Variants in GNPTAB observed in about 807,000 individuals in gnomAD.
The protein encoded by GNPTAB is N-acetylglucosamine-1-phosphate transferase subunits alpha and beta, also known as N-acetylglucosamine-1-phosphotransferase subunits alpha/beta.
GNPTAB carries 92 observed loss-of-function variants against 136.6 expected under a neutral mutation model. The ratio of observed to expected loss-of-function variants is 0.67; its 90% CI spans 0.57 to 0.80. The LOEUF (loss-of-function observed/expected upper bound fraction) is 0.80. Ranked by LOEUF, GNPTAB falls within the 30% of genes least tolerant of loss-of-function variation. The pLI, the probability that GNPTAB is intolerant of heterozygous loss-of-function variation, is 0.00. For synonymous variants in GNPTAB, 512 were observed against 535.1 expected (o/e 0.96, Z 0.60); for missense variants, 1,343 against 1,501.8 (o/e 0.89, Z 1.75).
chr12:101,778,747 A>C (rs1953294778), intron 7 of GNPTAB: 1 of 152,102 alleles, frequency 6.6e-6, no homozygotes. Flanking sequence ...TCTCTACTTA[A>C]AATACAAAAA....
At chr12:101,770,975 A>G (rs755833725) in intron 8 of GNPTAB, 21 bp downstream of exon 8, 5 of 1,611,828 alleles carry the variant, frequency 3.1e-6, no homozygotes, top group African/African-American at 1.3e-5. Flanking sequence ...TGGGCTGTAA[A>G]AGCTTCTGTG....
chr12:101,785,903 A>G, intron 5 of GNPTAB, 109 bp downstream of exon 5: 2 of 898,706 alleles, frequency 2.2e-6, no homozygotes, highest in Non-Finnish European at 3.4e-6. Flanking sequence ...GCATTTTTAG[A>G]AAAGTTTATC....
intron 5 of GNPTAB, among the ~76,000 whole-genome samples, chr12:101,781,646 T>G (rs906919924): frequency 1.3e-5 from 2 of 152,146 alleles, no homozygotes; most frequent in African/African-American, 4.8e-5. Flanking sequence ...ATCATGCCAC[T>G]GCACTCTAGC....
At chr12:101,759,967 T>C in intron 16 of GNPTAB, 63 bp downstream of exon 16, 2 of 964,590 alleles carry the variant, frequency 2.1e-6, no homozygotes, top group Non-Finnish European at 3.4e-6. Context: ...ACAGAAATGC[T>C]GTAAGTAACA....
intron 1 of GNPTAB, among the ~76,000 whole-genome samples, chr12:101,801,527 G>T (rs980373587): frequency 4.8e-5 from 4 of 83,538 alleles, no homozygotes; most frequent in African/African-American, 2.0e-4. Flanking sequence ...GTGACAGAAA[G>T]AGACCCTGTC....
chr12:101,797,537 T>C (rs1201998678), intron 1 of GNPTAB, among the ~76,000 whole-genome samples: 4 of 152,146 alleles, frequency 2.6e-5, no homozygotes, highest in Admixed American at 1.3e-4. Context: ...GACAGGAGAA[T>C]TGCTTGAACC....
chr12:101,764,679 AG>A lies in GNPTAB; in HGVS notation c.2237del (p.Ala746ValfsTer3). ...TTATTATAGCTTGATTTTTTATTTTAGCATGCTGTGAGTTCATCAGAAATGA... is the reference window on the plus strand; with the variant it reads ...TTATTATAGCTTGATTTTTTATTTTACATGCTGTGAGTTCATCAGAAATGA... The part of the protein sequence containing the change: ...LRSFLMNSQH[A>X]KIKNQAIITD... On this transcript the variant is annotated frameshift_variant, in exon 13 of 21. Transcript: ENST00000299314. LOFTEE classifies it high-confidence loss of function. The A allele has an allele frequency of 6.2e-7, 1 of 1,612,774 alleles. No homozygotes were observed. Among genetic ancestry groups the A allele is most frequent in the Non-Finnish European group, 8.5e-7 (1 of 1,179,636 alleles).
rs376257286 is a variant in GNPTAB, at chr12:101,830,634, C to G, written c.42G>C (p.Leu14=). Residue 14 remains leucine (L), a synonymous_variant, in exon 1 of 21, where the codon CTG becomes CTC. Transcript: ENST00000299314. ...KLLQRQTYTC[L]SHRYGLYVCF... is the part of the protein sequence containing the mutation. Reference sequence around the variant, plus strand: ...ACACGTAGAGCCCATACCTGTGGGACAGGCAGGTATAGGTCTGTCTCTGCA... The same window carrying G: ...ACACGTAGAGCCCATACCTGTGGGAGAGGCAGGTATAGGTCTGTCTCTGCA... 13 of 1,612,426 alleles carry G rather than the reference C, an allele frequency of 8.1e-6. No homozygotes were observed. Among genetic ancestry groups the G allele is most frequent in the African/African-American group, 4.0e-5 (3 of 74,842 alleles).
chr12:101,808,407 CG>C (rs1870047140), intron 1 of GNPTAB, among the ~76,000 whole-genome samples: 1 of 147,826 alleles, frequency 6.8e-6, no homozygotes, highest in Non-Finnish European at 1.5e-5. Flanking sequence ...CTGGGCATAG[CG>C]GCATGCACCT....
chr12:101,797,254 G>GT (rs1869348503), intron 1 of GNPTAB, among the ~76,000 whole-genome samples: 1 of 152,064 alleles, frequency 6.6e-6, no homozygotes, highest in African/African-American at 2.4e-5. Context: ...AAGCACTGAA[G>GT]GATTTTAAGG....
In GNPTAB at chr12:101,765,310, G is replaced by A. The variant is rs115615575; in HGVS notation, c.1613-6C>T. ...ATACAATTCATGAAAATGATCTAGA[G>A]GAAAAAACAGAAACATGATTTTTTT... On this transcript the variant is annotated splice_polypyrimidine_tract_variant and splice_region_variant and intron_variant, in intron 12 of 20. Coordinates refer to ENST00000299314, the MANE Select transcript of GNPTAB (RefSeq NM_024312.5). 101 of 1,580,584 alleles carry A rather than the reference G, an allele frequency of 6.4e-5. No individual in the cohort carries two copies. The highest frequency in any genetic ancestry group is 7.9e-5 in the Non-Finnish European group (91 of 1,150,408).
intron 1 of GNPTAB, among the ~76,000 whole-genome samples, chr12:101,797,054 C>T (rs1251823013): frequency 6.6e-6 from 1 of 151,886 alleles, no homozygotes; most frequent in Non-Finnish European, 1.5e-5. Context: ...AATGAGTTCA[C>T]CAGGTAGGGA....
At chr12:101,780,432 A>G in intron 6 of GNPTAB, 125 bp downstream of exon 6, 1 of 1,082,252 alleles carries the variant, frequency 9.2e-7, no homozygotes, top group Non-Finnish European at 1.4e-6. Context: ...ACAGTCATTA[A>G]TATTAGTAAG....
Position 101,753,414 on chromosome 12 carries a change from T to C in GNPTAB, c.3560A>G (p.Glu1187Gly). Residue 1187 changes from glutamate (E) to glycine (G), a missense_variant, in exon 19 of 21, where the codon GAG becomes GGG. Glu to Gly is a moderately conservative substitution (Grantham distance 98). Coordinates refer to ENST00000299314, the MANE Select transcript of GNPTAB (RefSeq NM_024312.5). ...PIPSQFELPR[E>G]YRNRFLHMHE... ...CATATGAAGGAAACGGTTTCGATAC[T>C]CTCTTGGCAGTTCAAATTGGGAAGG... 1 of 1,614,008 alleles carries C rather than the reference T, an allele frequency of 6.2e-7. No homozygotes were observed. Among genetic ancestry groups the C allele is most frequent in the East Asian group, 2.2e-5 (1 of 44,872 alleles).
At chr12:101,812,397 T>A (rs1212870362) in intron 1 of GNPTAB, among the ~76,000 whole-genome samples, 1 of 152,208 alleles carries the variant, frequency 6.6e-6, no homozygotes, top group Admixed American at 6.5e-5. Context: ...ACATGAGATT[T>A]GGTCAGGGAC....
chr12:101,801,585 A>G (rs1396256706), intron 1 of GNPTAB, among the ~76,000 whole-genome samples: 1 of 150,812 alleles, frequency 6.6e-6, no homozygotes, highest in African/African-American at 2.4e-5. Context: ...AAAATTTAAA[A>G]AAGAGCAAGG....
chr12:101,827,039 C>A (rs1871123166), intron 1 of GNPTAB, among the ~76,000 whole-genome samples: 2 of 147,708 alleles, frequency 1.4e-5, no homozygotes, highest in African/African-American at 5.1e-5. Context: ...CCTCAAACTC[C>A]TGGGCTCAAG....
chr12:101,775,678 T>A (rs921434605), intron 7 of GNPTAB, among the ~76,000 whole-genome samples: 1 of 152,070 alleles, frequency 6.6e-6, no homozygotes, highest in African/African-American at 2.4e-5. Context: ...TAGATCTTAA[T>A]ACGTCCTGGT....
chr12:101,790,137 C>A, intron 2 of GNPTAB, 80 bp from the exon 3 acceptor site: 1 of 1,589,184 alleles, frequency 6.3e-7, no homozygotes, highest in South Asian at 1.1e-5. Context: ...AGGGTTTAAA[C>A]CCAGAGATTA....
Sources: gnomAD v4.1 joint callset for allele counts (sites outside exome capture counted in the v4.1 genomes callset) on GRCh38, gnomAD v4.1.1 for gene constraint, MANE v1.5 for transcripts, NCBI Gene and HGNC (gene_info 2026-07-23, HGNC 2026-07-21) for gene names.